HGD: variants seen among roughly 807,000 people sequenced by gnomAD.
HGD encodes the protein homogentisate 1,2-dioxygenase, also known as homogentisate oxidase.
Under a neutral mutation model 60.8 loss-of-function variants are expected in HGD, and 61 were observed. That is an observed-to-expected ratio of 1.00 (90% CI 0.82 to 1.24). The LOEUF is 1.24. Ranked by LOEUF, HGD falls within the 50% of genes most tolerant of loss-of-function variation. HGD has a pLI of 0.00. For missense variants in HGD, 542 were observed against 547.1 expected (o/e 0.99, Z 0.09); for synonymous variants, 212 against 187.7 (o/e 1.13, Z -1.06).
chr3:120,647,973 C>G, intron 6 of HGD, 62 bp from the exon 7 acceptor site: 1 of 1,317,830 alleles, frequency 7.6e-7, no homozygotes, highest in Non-Finnish European at 1.1e-6. Flanking sequence ...CAAATTACGT[C>G]ATAACACAAA....
chr3:120,673,634 A>C (rs1708068716), intron 3 of HGD, among the ~76,000 whole-genome samples: 1 of 152,192 alleles, frequency 6.6e-6, no homozygotes, highest in Non-Finnish European at 1.5e-5. Flanking sequence ...TACTGTTGAT[A>C]CTGACATTGT....
At chr3:120,640,333 G>T (rs447207) in intron 11 of HGD, among the ~76,000 whole-genome samples, 1 of 152,100 alleles carries the variant, frequency 6.6e-6, no homozygotes, top group East Asian at 1.9e-4. Flanking sequence ...AGTGCACAGA[G>T]ATTTTGTTAA....
At chr3:120,663,369 T>C (rs967747828) in intron 4 of HGD, among the ~76,000 whole-genome samples, 1 of 152,122 alleles carries the variant, frequency 6.6e-6, no homozygotes, top group Admixed American at 6.6e-5. Flanking sequence ...AAAGGTTTAA[T>C]TGGACTTACA....
At chr3:120,663,048 T>A (rs1300159462) in intron 4 of HGD, among the ~76,000 whole-genome samples, 1 of 152,238 alleles carries the variant, frequency 6.6e-6, no homozygotes, top group East Asian at 1.9e-4. Context: ...AAAGCAACCC[T>A]GCCGATACCT....
Position 120,655,395 on chromosome 3 carries a change from C to G in HGD, c.283-2744G>C, listed in dbSNP as rs577029402. On this transcript the variant is annotated intron_variant, in intron 4 of 13. Coordinates refer to ENST00000283871, the MANE Select transcript of HGD (RefSeq NM_000187.4). ...CGACCTTGACGAACCTTCTCTAATG[C>G]AAAAAATGATCCCCACCAAATGACA... 5.9e-5 allele frequency among the ~76,000 whole-genome samples: 9 copies of G among 152,252 alleles called. No individual in the cohort carries two copies. In the South Asian group the frequency reaches 1.9e-3, roughly 32 times the overall value.
chr3:120,639,714 T>G (rs1237418606), intron 11 of HGD, among the ~76,000 whole-genome samples: 1 of 152,136 alleles, frequency 6.6e-6, no homozygotes, highest in African/African-American at 2.4e-5. Context: ...ATACGGAGAT[T>G]CCAGATTGTA....
At chr3:120,646,523 T>G (rs374929765) in intron 8 of HGD, among the ~76,000 whole-genome samples, 157 bp from the exon 9 acceptor site, 6 of 152,136 alleles carry the variant, frequency 3.9e-5, no homozygotes, top group African/African-American at 1.4e-4. Context: ...AAACTGAATT[T>G]TTTTAAAAAG....
At chr3:120,634,003 G>A (rs907645230) in intron 12 of HGD, among the ~76,000 whole-genome samples, 1 of 152,042 alleles carries the variant, frequency 6.6e-6, no homozygotes, top group East Asian at 1.9e-4. Flanking sequence ...TTTTGGATTT[G>A]TTTTTATTTT....
chr3:120,677,736 A>G (rs1387024749), intron 1 of HGD, among the ~76,000 whole-genome samples: 2 of 152,142 alleles, frequency 1.3e-5, no homozygotes, highest in African/African-American at 4.8e-5. Flanking sequence ...CCCCATTTGA[A>G]AATCCCTAAT....
In HGD at chr3:120,671,701, C is replaced by A. The variant is rs144565886; in HGVS notation, c.177-1169G>T. Among the ~76,000 whole-genome samples, 20 of 152,282 alleles carry A rather than the reference C, an allele frequency of 1.3e-4. 1 individual carries two copies. The East Asian group carries it at 2.7e-3, about 21-fold the overall frequency. ...GATACATGCACACGTATGTTTATTG[C>A]AGCACTATTCACAATGCAAAGACAT... On this transcript the variant is annotated intron_variant, in intron 3 of 13. Coordinates refer to ENST00000283871, the MANE Select transcript of HGD (RefSeq NM_000187.4).
chr3:120,657,378 C>A (rs933162468), intron 4 of HGD, among the ~76,000 whole-genome samples: 1 of 152,110 alleles, frequency 6.6e-6, no homozygotes, highest in Non-Finnish European at 1.5e-5. Flanking sequence ...CTAAATATTT[C>A]CAGTTAGAAT....
chr3:120,679,095 TA>T (rs1251589102), intron 1 of HGD, among the ~76,000 whole-genome samples: 1 of 152,268 alleles, frequency 6.6e-6, no homozygotes, highest in African/African-American at 2.4e-5. Flanking sequence ...GCATACTTTC[TA>T]AATGCAAGAA....
chr3:120,653,589 GAC>G (rs1222126883), intron 4 of HGD, among the ~76,000 whole-genome samples: 1 of 152,204 alleles, frequency 6.6e-6, no homozygotes. Context: ...CTGCCTCTCT[GAC>G]ACACACAGTC....
intron 4 of HGD, among the ~76,000 whole-genome samples, chr3:120,669,483 A>ACACACACACACC (rs1455844316): frequency 7.4e-5 from 11 of 148,588 alleles, no homozygotes; most frequent in African/African-American, 2.7e-4. Context: ...ACACACACAC[A>ACACACACACACC]CACGCAGACT....
At chr3:120,634,106 T>A (rs1255340497) in intron 12 of HGD, among the ~76,000 whole-genome samples, 1 of 152,184 alleles carries the variant, frequency 6.6e-6, no homozygotes, top group East Asian at 1.9e-4. Flanking sequence ...AATTTCTATA[T>A]CTTTCCTGAC....
chr3:120,641,504 G>A (rs1318477441), intron 11 of HGD, 85 bp downstream of exon 11: 33 of 848,218 alleles, frequency 3.9e-5, no homozygotes, highest in South Asian at 8.0e-5. Context: ...GGAAATGTTA[G>A]ATCTGTAAAT....
At chr3:120,661,543 A>G (rs757443603) in intron 4 of HGD, among the ~76,000 whole-genome samples, 2 of 152,218 alleles carry the variant, frequency 1.3e-5, no homozygotes, top group African/African-American at 2.4e-5. Context: ...GGATCAGTGC[A>G]AATAACTTTG....
intron 13 of HGD, among the ~76,000 whole-genome samples, chr3:120,632,566 C>G (rs1940624233): frequency 6.6e-6 from 1 of 152,176 alleles, no homozygotes; most frequent in Admixed American, 6.5e-5. Flanking sequence ...TTCTCACAAG[C>G]CCTGACTATA....
Position 120,670,474 on chromosome 3 carries a change from C to T in HGD, c.235G>A (p.Gly79Ser), listed in dbSNP as rs779254873. Residue 79 changes from glycine to serine, a missense_variant, in exon 4 of 14, where the codon GGC (glycine) becomes AGC (serine). Around this residue, in one of 2 missense-constraint regions of HGD, gnomAD observed 537 missense variants for 529.1 expected, o/e 1.01. Coordinates refer to ENST00000283871, the MANE Select transcript of HGD (RefSeq NM_000187.4). ...SHKPFESIDE[G>S]QVTHNWDEVD... ...TCATCCCAGTTGTGAGTGACTTGGCCTTCGTCAATGGATTCAAAGGGCTTG... is the reference window on the plus strand; with the variant it reads ...TCATCCCAGTTGTGAGTGACTTGGCTTTCGTCAATGGATTCAAAGGGCTTG... The T allele has an allele frequency of 3.7e-6, 6 of 1,611,402 alleles. No individual in the cohort carries two copies.
Sources: allele counts gnomAD v4.1 joint callset (sites outside exome capture counted in the v4.1 genomes callset), GRCh38; gene constraint gnomAD v4.1.1; regional missense constraint gnomAD v4.1.1; transcripts MANE v1.5; gene names NCBI Gene and HGNC (gene_info 2026-07-23, HGNC 2026-07-21).